PLSCR2: variants seen among roughly 807,000 people sequenced by gnomAD.
The protein encoded by PLSCR2 is PL scramblase 2.
Under a neutral mutation model 25.3 loss-of-function variants are expected in PLSCR2, and 18 were observed. That is an observed-to-expected ratio of 0.71 (90% confidence interval 0.49 to 1.06). PLSCR2 has a LOEUF of 1.06. Ranked by LOEUF, PLSCR2 falls within the 50% of genes least tolerant of loss-of-function variation. PLSCR2 has a pLI of 0.00. For missense variants in PLSCR2, 243 were observed against 269.5 expected (o/e 0.90, Z 0.69); for synonymous variants, 88 against 87.3 (o/e 1.01, Z -0.04).
chr3:146,481,292 T>C (rs2043120592), intron 1 of PLSCR2, among the ~76,000 whole-genome samples: 1 of 152,166 alleles, frequency 6.6e-6, no homozygotes, highest in Non-Finnish European at 1.5e-5. Context: ...GAAGTCAAAT[T>C]ATCCCTGTTT....
chr3:146,433,014 A>G (rs73865708), downstream of PLSCR2, among the ~76,000 whole-genome samples: 14,373 of 152,116 alleles, frequency 0.094, 958 homozygotes, highest in African/African-American at 0.18. Context: ...TGAAATTGAC[A>G]TATTTGTTTG....
intron 2 of PLSCR2, among the ~76,000 whole-genome samples, chr3:146,410,750 C>A (rs115870390): frequency 0.041 from 6,238 of 152,272 alleles, 176 homozygotes; most frequent in Admixed American, 0.087. Context: ...GACCCTAGGG[C>A]ATCTAAACAG....
chr3:146,405,257 G>A (rs1369671802), intron 2 of PLSCR2, among the ~76,000 whole-genome samples: 1 of 152,172 alleles, frequency 6.6e-6, no homozygotes, highest in African/African-American at 2.4e-5. Context: ...AGGTGCAGGG[G>A]CTTTAAGACT....
intron 1 of PLSCR2, among the ~76,000 whole-genome samples, chr3:146,479,388 T>C (rs1026137710): frequency 1.3e-5 from 2 of 152,090 alleles, no homozygotes; most frequent in South Asian, 2.1e-4. Flanking sequence ...AATAAAGGGA[T>C]GCAGGAAGAT....
chr3:146,431,670 G>A (rs2039549920), downstream of PLSCR2, among the ~76,000 whole-genome samples: 2 of 152,254 alleles, frequency 1.3e-5, no homozygotes, highest in Admixed American at 1.3e-4. Context: ...TCTCCAAGGA[G>A]CAAACATGTG....
intron 1 of PLSCR2, among the ~76,000 whole-genome samples, chr3:146,482,529 C>T (rs970274370): frequency 2.6e-5 from 4 of 152,172 alleles, no homozygotes; most frequent in Non-Finnish European, 5.9e-5. Flanking sequence ...CAATGAGATA[C>T]AATCTCATGC....
At chr3:146,455,173 T>C (rs759779825) in intron 4 of PLSCR2, 66 bp downstream of exon 4, 8 of 1,028,934 alleles carry the variant, frequency 7.8e-6, no homozygotes, top group Non-Finnish European at 1.1e-5. Flanking sequence ...ATTATACAGA[T>C]TCAATAAAAG....
intron 2 of PLSCR2, among the ~76,000 whole-genome samples, chr3:146,458,911 T>C (rs2041385159): frequency 6.6e-6 from 1 of 152,138 alleles, no homozygotes; most frequent in Non-Finnish European, 1.5e-5. Flanking sequence ...TGGAGAAATA[T>C]GAACTACTAA....
At chr3:146,437,200 G>T (rs545557268), downstream of PLSCR2, among the ~76,000 whole-genome samples, 102 of 152,034 alleles carry the variant, frequency 6.7e-4, no homozygotes, top group South Asian at 1.9e-3. Flanking sequence ...GAGGATTTTT[G>T]CACTGATGTT....
chr3:146,475,369 T>A (rs951107505), intron 1 of PLSCR2, among the ~76,000 whole-genome samples: 33 of 152,054 alleles, frequency 2.2e-4, no homozygotes, highest in Non-Finnish European at 1.2e-4. Context: ...GGGTCATTTT[T>A]GTTGTTGTCA....
At chr3:146,410,440 A>G (rs1268443177) in intron 2 of PLSCR2, among the ~76,000 whole-genome samples, 1 of 152,200 alleles carries the variant, frequency 6.6e-6, no homozygotes, top group Non-Finnish European at 1.5e-5. Flanking sequence ...GGGGTATGAC[A>G]ATCTAAACAC....
rs1189945662 is a variant in PLSCR2 at position 146,455,263 on chromosome 3, A to T, written c.297T>A (p.Cys99Ter). 1 of 1,613,752 alleles carries T rather than the reference A, an allele frequency of 6.2e-7. No homozygotes were observed. Among genetic ancestry groups the T allele is most frequent in the South Asian group, 1.1e-5 (1 of 91,074 alleles). ...CCTCCTGAAGGCAGCAGGGGCAACAACAACAGTTACATCTTAGTGGTCTTT... is the reference window on the plus strand; with the variant it reads ...CCTCCTGAAGGCAGCAGGGGCAACATCAACAGTTACATCTTAGTGGTCTTT... The change falls in exon 4 of 7, where the codon TGT becomes TGA. Residue 99 changes from cysteine (C) to a stop codon, truncating the protein, a stop_gained. Coordinates refer to ENST00000610787, the Ensembl canonical transcript of PLSCR2. LOFTEE classifies it high-confidence loss of function.
intron 1 of PLSCR2, among the ~76,000 whole-genome samples, chr3:146,483,437 A>G (rs1386671847): frequency 1.4e-5 from 1 of 70,164 alleles, no homozygotes; most frequent in African/African-American, 5.8e-5. Flanking sequence ...TAATATATAT[A>G]TATATACACA....
intron 3 of PLSCR2, among the ~76,000 whole-genome samples, chr3:146,394,437 T>G (rs1576548461): frequency 6.6e-6 from 1 of 152,204 alleles, no homozygotes; most frequent in East Asian, 1.9e-4. Flanking sequence ...CGGCTGATTT[T>G]GTATTTTTAG....
chr3:146,483,509 A>ATATACATGTGTATATATATATATAT (rs1553791539), intron 1 of PLSCR2, among the ~76,000 whole-genome samples: 2 of 127,072 alleles, frequency 1.6e-5, no homozygotes, highest in Non-Finnish European at 1.7e-5. Context: ...ATATATATAT[A>ATATACATGTGTATATATATATATAT]ATGTTACTAC....
intron 2 of PLSCR2, among the ~76,000 whole-genome samples, chr3:146,459,049 G>C (rs1335445117): frequency 6.6e-6 from 1 of 152,064 alleles, no homozygotes; most frequent in Non-Finnish European, 1.5e-5. Context: ...ATAGATTGGA[G>C]ATATAAAACT....
At chr3:146,469,162 T>G (rs1374639703) in intron 1 of PLSCR2, 1 of 985,502 alleles carries the variant, frequency 1.0e-6, no homozygotes, top group South Asian at 4.7e-5. Flanking sequence ...CCCACTATGC[T>G]GGCACATGCT....
chr3:146,411,040 C>T (rs147076659), intron 2 of PLSCR2, among the ~76,000 whole-genome samples: 5 of 152,248 alleles, frequency 3.3e-5, no homozygotes, highest in African/African-American at 1.2e-4. Context: ...CCTTGTCCTC[C>T]CCCATCCACA....
chr3:146,398,678 A>G (rs542916631), intron 2 of PLSCR2: 2 of 152,268 alleles, frequency 1.3e-5, no homozygotes, highest in African/African-American at 4.8e-5. Context: ...TTAGATCCCC[A>G]AGACAGCTGA....
Sources: gnomAD v4.1 joint callset for allele counts (sites outside exome capture counted in the v4.1 genomes callset) on GRCh38, gnomAD v4.1.1 for gene constraint, MANE v1.5 for transcripts, NCBI Gene and HGNC (gene_info 2026-07-23, HGNC 2026-07-21) for gene names.